Variants in SMC5 observed in about 807,000 individuals in gnomAD.
The protein encoded by SMC5 is structural maintenance of chromosomes 5, also known as structural maintenance of chromosomes protein 5.
SMC5 carries 88 observed loss-of-function variants against 148.3 expected under a neutral mutation model. That is an observed-to-expected ratio of 0.59 (90% CI 0.50 to 0.71). The LOEUF is 0.71. Ranked by LOEUF, SMC5 falls within the 30% of genes least tolerant of loss-of-function variation. SMC5 has a pLI of 0.00. For missense variants in SMC5, 1,142 were observed against 1,298.9 expected, an observed-to-expected ratio of 0.88 and a Z score of 1.86; for synonymous variants, 421 against 432.8, an observed-to-expected ratio of 0.97 and a Z score of 0.34.
chr9:70,272,166 C>CA (rs2034466637), intron 3 of SMC5, among the ~76,000 whole-genome samples: 2 of 152,120 alleles, frequency 1.3e-5, no homozygotes, highest in Non-Finnish European at 2.9e-5. Flanking sequence ...AGCAAGATAT[C>CA]AGGGAGGACT....
At chr9:70,261,297 G>A (rs950515561) in intron 1 of SMC5, among the ~76,000 whole-genome samples, 1 of 152,176 alleles carries the variant, frequency 6.6e-6, no homozygotes, top group African/African-American at 2.4e-5. Context: ...TATTCTGGAA[G>A]CACTGTAGAG....
At chr9:70,308,670 A>G (rs996436335) in intron 11 of SMC5, among the ~76,000 whole-genome samples, 4 of 148,052 alleles carry the variant, frequency 2.7e-5, no homozygotes, top group Admixed American at 6.8e-5. Context: ...CCGTGCCTCT[A>G]TTAATGTCTC....
intron 15 of SMC5, among the ~76,000 whole-genome samples, chr9:70,322,146 T>C (rs1461478124): frequency 3.9e-5 from 6 of 152,158 alleles, no homozygotes; most frequent in Non-Finnish European, 8.8e-5. Flanking sequence ...ATTTTTAAAA[T>C]TGGTAATGTG....
chr9:70,277,460 G>A lies in SMC5; in HGVS notation c.531G>A (p.Gln177=). 1 of 1,588,050 alleles carries A rather than the reference G, an allele frequency of 6.3e-7. No individual in the cohort carries two copies. Among genetic ancestry groups the A allele is most frequent in the South Asian group, 1.2e-5 (1 of 86,186 alleles). The change falls in exon 4 of 25, where the codon CAG becomes CAA. Residue 177 remains glutamine (Q), a synonymous_variant. Coordinates refer to ENST00000361138, the MANE Select transcript of SMC5 (RefSeq NM_015110.4). ...ATATTCAAGTGGGGAATCTTTGCCAGTTTCTCCCTCAGGTATGAGAGAAAT... is the reference window on the plus strand; with the variant it reads ...ATATTCAAGTGGGGAATCTTTGCCAATTTCTCCCTCAGGTATGAGAGAAAT... ...ALNIQVGNLC[Q]FLPQDKVGEF...
chr9:70,283,506 A>G (rs963016099), intron 7 of SMC5, among the ~76,000 whole-genome samples: 1 of 152,170 alleles, frequency 6.6e-6, no homozygotes, highest in African/African-American at 2.4e-5. Context: ...AAATAAATCA[A>G]TAAAGAATCT....
At chr9:70,346,733 G>A in intron 19 of SMC5, 84 bp downstream of exon 19, 1 of 1,399,064 alleles carries the variant, frequency 7.1e-7, no homozygotes, top group Non-Finnish European at 1.0e-6. Context: ...AAGGCCCGGA[G>A]ATGAATTCTA....
intron 3 of SMC5, among the ~76,000 whole-genome samples, chr9:70,268,596 G>A (rs2034357495): frequency 6.6e-6 from 1 of 150,700 alleles, no homozygotes; most frequent in Non-Finnish European, 1.5e-5. Context: ...CAAATTTAAA[G>A]TATCTGGGTT....
chr9:70,307,804 A>T (rs1167689056), intron 11 of SMC5, among the ~76,000 whole-genome samples: 1 of 152,104 alleles, frequency 6.6e-6, no homozygotes, highest in African/African-American at 2.4e-5. Flanking sequence ...ACGCCCGGTC[A>T]ATTCATTACT....
At position 70,353,988 on chromosome 9, in the gene SMC5, G is replaced by A. The variant is rs150510501; in HGVS notation, c.*1657G>A. 6.4e-4 allele frequency: 97 copies of A among 152,220 alleles called. No homozygotes were observed. The highest frequency in any genetic ancestry group is 1.8e-3 in the African/African-American group (74 of 41,520). The allele number at this position is 152,220 out of a possible 1,614,324, so 9.4% of individuals were successfully genotyped here. A position where few individuals can be genotyped will look rare whatever the true frequency, so the allele number is the denominator to read the frequency against. ...ATGAGTATCAATGTGAAAAAGACAC[G>A]TGAAGATTAAGCATGTTTGAAAATA... On this transcript the variant is annotated 3_prime_UTR_variant, in exon 25 of 25. Transcript: ENST00000361138.
Position 70,347,520 on chromosome 9 carries a change from C to T in SMC5, c.2665-93C>T, listed in dbSNP as rs2036694535. On this transcript the variant is annotated intron_variant, in intron 20 of 24. Transcript: ENST00000361138. ...CATACAAACAATGCAGCACAATTGG[C>T]ATTTTCATTTAATGTTTTAATCAAT... 5 of 648,542 alleles carry T rather than the reference C, an allele frequency of 7.7e-6. No individual in the cohort carries two copies. In the South Asian group the frequency reaches 1.2e-4, roughly 15 times the overall value. The allele number at this position is 648,542 out of a possible 1,614,324, so 40.2% of individuals were successfully genotyped here. A position where few individuals can be genotyped will look rare whatever the true frequency, so the allele number is the denominator to read the frequency against.
Position 70,264,440 on chromosome 9 carries a change from G to C in SMC5, c.322G>C (p.Asp108His). ...AGKPAFMGRA[D>H]KVGFFVKRGC... Reference sequence around the variant, plus strand: ...AAAACCTGCTTTCATGGGACGAGCAGATAAGGTGAGTTAATATAATTACTT... The same window carrying C: ...AAAACCTGCTTTCATGGGACGAGCACATAAGGTGAGTTAATATAATTACTT... The change falls in exon 2 of 25, where the codon GAT (aspartate) becomes CAT (histidine). Residue 108 changes from aspartate to histidine, a missense_variant. Physicochemically the swap from Asp to His is moderately conservative, Grantham distance 81. This residue lies in a region of SMC5 where 297 missense variants were observed against 302.6 expected (regional missense o/e 0.98). Coordinates refer to ENST00000361138, the MANE Select transcript of SMC5 (RefSeq NM_015110.4). The C allele has an allele frequency of 1.2e-6, 2 of 1,613,064 alleles. No homozygotes were observed. Among genetic ancestry groups the C allele is most frequent in the East Asian group, 4.5e-5 (2 of 44,852 alleles).
intron 18 of SMC5, among the ~76,000 whole-genome samples, chr9:70,345,177 AAT>A (rs1491582674): frequency 4.3e-4 from 60 of 141,128 alleles, no homozygotes; most frequent in Admixed American, 1.1e-3. Context: ...ACAATCTACT[AAT>A]TTTTTTTTTC....
At chr9:70,342,674 C>T (rs1023236912) in intron 17 of SMC5, among the ~76,000 whole-genome samples, 13 of 152,098 alleles carry the variant, frequency 8.5e-5, no homozygotes, top group African/African-American at 3.1e-4. Flanking sequence ...GGGATTAGAA[C>T]AATTAACAGG....
chr9:70,310,086 G>T (rs887382456), intron 11 of SMC5, among the ~76,000 whole-genome samples: 9 of 152,166 alleles, frequency 5.9e-5, no homozygotes, highest in African/African-American at 2.2e-4. Context: ...GACCTCAGGT[G>T]ATCTGCCCAC....
Position 70,259,280 on chromosome 9 carries a change from C to G in SMC5, c.185+17C>G. The G allele has an allele frequency of 6.4e-7, 1 of 1,555,008 alleles. No individual in the cohort carries two copies. Among genetic ancestry groups the G allele is most frequent in the Non-Finnish European group, 8.7e-7 (1 of 1,148,524 alleles). ...GAACTTCCTGTAAGTTGCCCGGAGGCCGCGCCGCGGGTGTGGAGGTGTGCT... is the reference window on the plus strand; with the variant it reads ...GAACTTCCTGTAAGTTGCCCGGAGGGCGCGCCGCGGGTGTGGAGGTGTGCT... On this transcript the variant is annotated intron_variant, in intron 1 of 24. Transcript: ENST00000361138.
intron 2 of SMC5, 148 bp from the exon 3 acceptor site, chr9:70,267,775 G>T: frequency 3.3e-6 from 2 of 614,258 alleles, no homozygotes; most frequent in East Asian, 2.8e-5. Context: ...CCAGATCTGG[G>T]AGAGATACCT....
At chr9:70,277,189 A>G (rs1337788270) in intron 3 of SMC5, 121 bp from the exon 4 acceptor site, 6 of 754,864 alleles carry the variant, frequency 7.9e-6, no homozygotes, top group Non-Finnish European at 1.1e-5. Context: ...TATCAAAAGG[A>G]GTAAAAATCA....
intron 22 of SMC5, among the ~76,000 whole-genome samples, chr9:70,348,673 A>G (rs1164556614): frequency 2.0e-5 from 3 of 152,174 alleles, no homozygotes; most frequent in African/African-American, 7.2e-5. Context: ...CCTGGGCAAC[A>G]AAACCAGACC....
At chr9:70,281,542 C>T (rs907674266) in intron 6 of SMC5, among the ~76,000 whole-genome samples, 25 of 151,996 alleles carry the variant, frequency 1.6e-4, no homozygotes, top group Non-Finnish European at 8.8e-5. Context: ...GACTACAGTT[C>T]GGGTTAAAGA....
Sources: allele counts gnomAD v4.1 joint callset (sites outside exome capture counted in the v4.1 genomes callset), GRCh38; gene constraint gnomAD v4.1.1; regional missense constraint gnomAD v4.1.1; transcripts MANE v1.5; gene names NCBI Gene and HGNC (gene_info 2026-07-23, HGNC 2026-07-21).